ATP10A: variants seen among roughly 807,000 people sequenced by gnomAD.
ATP10A encodes the protein phospholipid-transporting ATPase VA.
Under a neutral mutation model 147.8 loss-of-function variants are expected in ATP10A, and 111 were observed. The ratio of observed to expected loss-of-function variants is 0.75; its 90% CI spans 0.64 to 0.88. ATP10A has a LOEUF of 0.88. Among genes scored for constraint, ATP10A ranks in the 40% least tolerant of loss-of-function variants. The pLI is 0.00. For synonymous variants in ATP10A, 875 were observed against 841.6 expected (o/e 1.04, Z -0.69); for missense variants, 1,927 against 1,959.0 (o/e 0.98, Z 0.31).
At chr15:25,684,499 A>G (rs1233535982) in intron 16 of ATP10A, among the ~76,000 whole-genome samples, 1 of 152,158 alleles carries the variant, frequency 6.6e-6, no homozygotes, top group Non-Finnish European at 1.5e-5. Flanking sequence ...CCTACGGTGT[A>G]TGGTGGTGAG....
intron 2 of ATP10A, among the ~76,000 whole-genome samples, chr15:25,778,486 T>C (rs1889736093): frequency 7.3e-6 from 1 of 136,444 alleles, no homozygotes; most frequent in South Asian, 2.2e-4. Context: ...TTTGGACCTT[T>C]AGGGAAAGAG....
intron 1 of ATP10A, among the ~76,000 whole-genome samples, chr15:25,817,145 CA>C (rs1891696197): frequency 6.6e-6 from 1 of 152,060 alleles, no homozygotes; most frequent in Non-Finnish European, 1.5e-5. Context: ...TACAATGGTG[CA>C]ATCTTGGCTC....
intron 12 of ATP10A, among the ~76,000 whole-genome samples, chr15:25,702,695 T>C (rs1900738896): frequency 6.6e-6 from 1 of 151,826 alleles, no homozygotes; most frequent in Non-Finnish European, 1.5e-5. Flanking sequence ...CTTTTTGGTC[T>C]CAGTATGTTG....
At chr15:25,795,775 C>G (rs570860036) in intron 1 of ATP10A, among the ~76,000 whole-genome samples, 2 of 152,200 alleles carry the variant, frequency 1.3e-5, no homozygotes, top group South Asian at 4.1e-4. Flanking sequence ...TGCTGAAGAC[C>G]GATCCCCAGC....
chr15:25,681,366 G>A (rs753183205), intron 17 of ATP10A, among the ~76,000 whole-genome samples: 6 of 152,272 alleles, frequency 3.9e-5, no homozygotes, highest in Admixed American at 1.3e-4. Context: ...TGTAGTCAAG[G>A]AAAGAGCATC....
chr15:25,781,668 G>GA (rs147828670), intron 1 of ATP10A, among the ~76,000 whole-genome samples: 7,423 of 146,824 alleles, frequency 0.051, 254 homozygotes, highest in Non-Finnish European at 0.068. Context: ...AAAAAAGAAG[G>GA]AAAAAAAAAA....
At chr15:25,689,555 G>A (rs1899897487) in intron 15 of ATP10A, among the ~76,000 whole-genome samples, 1 of 152,166 alleles carries the variant, frequency 6.6e-6, no homozygotes, top group Admixed American at 6.5e-5. Context: ...GCTCAGCAGG[G>A]ACTGACTAAA....
chr15:25,862,901 T>C lies in ATP10A; in HGVS notation c.196A>G (p.Thr66Ala). 1 of 1,610,174 alleles carries C rather than the reference T, an allele frequency of 6.2e-7. No homozygotes were observed. Among genetic ancestry groups the C allele is most frequent in the East Asian group, 2.2e-5 (1 of 44,644 alleles). Residue 66 changes from threonine (T) to alanine (A), a missense_variant, in exon 1 of 21, where the codon ACT becomes GCT. Transcript: ENST00000555815. ...AAGGACAGCAGCGTGTACTTGGTAG[T>C]CTTGAGCCGGTTGTCGGCCAGGTGC... Reference protein sequence around the residue: ...AQHLADNRLKTTKYTLLSFLP... With the variant: ...AQHLADNRLKATKYTLLSFLP...
rs559980805 is a variant in ATP10A, at chr15:25,692,826, C to T, written c.3089-1035G>A. Among the ~76,000 whole-genome samples the T allele has an allele frequency of 2.6e-4, 39 of 152,278 alleles. No homozygotes were observed. The South Asian group carries it at 6.2e-3, about 24-fold the overall frequency. On this transcript the variant is annotated intron_variant, in intron 14 of 20. Transcript: ENST00000555815. Reference sequence around the variant, plus strand: ...TTCTTTTTCTTTTGAGACAGGGTCTCACTCTGTCACCCAGGCTAGGTGGGA... The same window carrying T: ...TTCTTTTTCTTTTGAGACAGGGTCTTACTCTGTCACCCAGGCTAGGTGGGA...
chr15:25,701,982 G>A lies in ATP10A; in HGVS notation c.2694C>T (p.Asn898=), dbSNP rs748287811. The change falls in exon 13 of 21, where the codon AAC becomes AAT. Residue 898 remains asparagine (N), a synonymous_variant. Coordinates refer to ENST00000555815, the MANE Select transcript of ATP10A (RefSeq NM_024490.4). ...LTGDKQETAV[N]IAYACKLLDH... ...CCAGCAGTTTGCAGGCATATGCAAT[G>A]TTGACAGCTGTTTCTTGTTTGTCAC... The A allele has an allele frequency of 6.2e-7, 1 of 1,614,180 alleles. No individual in the cohort carries two copies. Among genetic ancestry groups the A allele is most frequent in the South Asian group, 1.1e-5 (1 of 91,078 alleles).
At chr15:25,859,876 T>C (rs537607345) in intron 1 of ATP10A, among the ~76,000 whole-genome samples, 1 of 152,170 alleles carries the variant, frequency 6.6e-6, no homozygotes, top group East Asian at 1.9e-4. Flanking sequence ...TCTGGGACAG[T>C]GGCAGCAGGT....
rs182556619 is a variant in ATP10A at position 25,695,445 on chromosome 15, G to A, written c.2761-299C>T. On this transcript the variant is annotated intron_variant, in intron 13 of 20. Transcript: ENST00000555815. ...AGATCAAGACCATCCTGGCTAACACGGTGAAACCCCGTCTCTACTAAAAAT... is the reference window on the plus strand; with the variant it reads ...AGATCAAGACCATCCTGGCTAACACAGTGAAACCCCGTCTCTACTAAAAAT... 7.0e-3 allele frequency among the ~76,000 whole-genome samples: 1,063 copies of A among 152,156 alleles called. 12 individuals carry two copies. The highest frequency in any genetic ancestry group is 0.024 in the African/African-American group (1,016 of 41,498).
chr15:25,701,948 C>T lies in ATP10A; in HGVS notation c.2728G>A (p.Glu910Lys), dbSNP rs200358485. The stretch of plus-strand genomic sequence containing the variant: ...GTGGCATTCAGGGTGATGACCTCCT[C>T]GTCGTGGTCCAGCAGTTTGCAGGCA... ...AYACKLLDHD[E>K]EVITLNATSQ... The change falls in exon 13 of 21, where the codon GAG becomes AAG. Residue 910 changes from glutamate to lysine, a missense_variant. By Grantham distance (56) the Glu-to-Lys change is moderately conservative (BLOSUM62 1). Transcript: ENST00000555815. 144 of 1,611,636 alleles carry T rather than the reference C, an allele frequency of 8.9e-5. No homozygotes were observed. In the Middle Eastern group the frequency reaches 7.6e-3, roughly 85 times the overall value.
At chr15:25,787,628 A>AGAAG (rs1010957236) in intron 1 of ATP10A, among the ~76,000 whole-genome samples, 33 of 149,160 alleles carry the variant, frequency 2.2e-4, no homozygotes, top group African/African-American at 6.9e-4. Flanking sequence ...AAAAAAAAAA[A>AGAAG]AAGAAGAAAG....
At chr15:25,767,421 G>A (rs1479977806) in intron 2 of ATP10A, among the ~76,000 whole-genome samples, 1 of 152,204 alleles carries the variant, frequency 6.6e-6, no homozygotes, top group African/African-American at 2.4e-5. Context: ...GAGGCATGGG[G>A]TTGGGGAGTG....
chr15:25,788,834 T>C (rs1386771828), intron 1 of ATP10A, among the ~76,000 whole-genome samples: 1 of 152,212 alleles, frequency 6.6e-6, no homozygotes, highest in Admixed American at 6.5e-5. Flanking sequence ...TATTATTTCA[T>C]TGGAAGAGAA....
At chr15:25,773,891 C>T (rs919027749) in intron 2 of ATP10A, among the ~76,000 whole-genome samples, 6 of 151,858 alleles carry the variant, frequency 4.0e-5, no homozygotes, top group African/African-American at 1.2e-4. Context: ...GTGTTAACTG[C>T]GTCGATCTCA....
chr15:25,683,214 T>C, intron 17 of ATP10A, 72 bp downstream of exon 17: 1 of 1,430,774 alleles, frequency 7.0e-7, no homozygotes, highest in Non-Finnish European at 9.8e-7. Flanking sequence ...GCTGGGGGAC[T>C]GGCACTTTGG....
At chr15:25,751,016 C>T (rs1236710956) in intron 2 of ATP10A, among the ~76,000 whole-genome samples, 14 of 151,932 alleles carry the variant, frequency 9.2e-5, no homozygotes, top group Admixed American at 9.2e-4. Flanking sequence ...AAATGCAAAG[C>T]TTTACACATT....
Sources: allele counts gnomAD v4.1 joint callset (sites outside exome capture counted in the v4.1 genomes callset), GRCh38; gene constraint gnomAD v4.1.1; transcripts MANE v1.5; gene names NCBI Gene and HGNC (gene_info 2026-07-23, HGNC 2026-07-21).